ART3: variants seen among roughly 807,000 people sequenced by gnomAD.
ART3 encodes the protein ADP-ribosyltransferase 3 (inactive), also known as ecto-ADP-ribosyltransferase 3.
In ART3, 49 loss-of-function variants were observed where a neutral mutation model predicts 48.5. That is an observed-to-expected ratio of 1.01 (90% CI 0.80 to 1.28). ART3 has a LOEUF of 1.28. Ranked by LOEUF, ART3 falls within the 50% of genes most tolerant of loss-of-function variation. The pLI, the probability that ART3 is intolerant of heterozygous loss-of-function variation, is 0.00. For synonymous variants in ART3, 145 were observed against 157.2 expected, an observed-to-expected ratio of 0.92 and a Z score of 0.58; for missense variants, 438 against 454.3, an observed-to-expected ratio of 0.96 and a Z score of 0.33.
chr4:76,101,753 GA>G (rs138595401), intron 8 of ART3, among the ~76,000 whole-genome samples: 19,049 of 150,476 alleles, frequency 0.13, 1,601 homozygotes, highest in African/African-American at 0.23. Context: ...CTCCATCTTG[GA>G]AAAAAAAAAT....
intron 11 of ART3, 96 bp from the exon 12 acceptor site, chr4:76,112,290 T>C (rs866684455): frequency 7.0e-7 from 1 of 1,421,042 alleles, no homozygotes. Context: ...ACTTCAACTT[T>C]AGTGTCATTG....
chr4:76,091,470 T>C (rs1032058022), intron 3 of ART3, among the ~76,000 whole-genome samples: 66 of 152,200 alleles, frequency 4.3e-4, no homozygotes, highest in African/African-American at 1.6e-3. Flanking sequence ...AGTTTTAATT[T>C]GCATGTTCCT....
chr4:76,022,409 A>G (rs1455903342), intron 1 of ART3: 2 of 1,613,664 alleles, frequency 1.2e-6, no homozygotes, highest in South Asian at 1.1e-5. Flanking sequence ...ATGGCCTTCG[A>G]TTCTGGATTC....
At chr4:76,104,004 G>T (rs776302809) in intron 9 of ART3, 35 bp downstream of exon 9, 1 of 1,602,028 alleles carries the variant, frequency 6.2e-7, no homozygotes, top group South Asian at 1.1e-5. Flanking sequence ...CTGAGCCCAA[G>T]AATGAGTTGA....
At chr4:76,098,645 G>C (rs1560646752) in intron 4 of ART3, among the ~76,000 whole-genome samples, 5 of 152,126 alleles carry the variant, frequency 3.3e-5, no homozygotes, top group African/African-American at 9.7e-5. Flanking sequence ...TGTAATCCTA[G>C]CTACTTGGGC....
Position 76,023,430 on chromosome 4 carries a change from A to G in ART3, c.-10+12110A>G, listed in dbSNP as rs745586920. The G allele has an allele frequency of 1.9e-6, 3 of 1,613,846 alleles. No homozygotes were observed. In the Admixed American group the frequency reaches 5.0e-5, roughly 27 times the overall value. Reference sequence around the variant, plus strand: ...GCAAATCAGAATGGCAGTTTGATTCATGGTGCTGAGACTGGAGGTTCCTCT... The same window carrying G: ...GCAAATCAGAATGGCAGTTTGATTCGTGGTGCTGAGACTGGAGGTTCCTCT... On this transcript the variant is annotated intron_variant, in intron 1 of 9. Coordinates refer to the ART3 transcript ENST00000341029.
At chr4:76,041,139 T>G (rs890467025) in intron 1 of ART3, 2 of 152,218 alleles carry the variant, frequency 1.3e-5, no homozygotes, top group African/African-American at 4.8e-5. Context: ...TGTTCCAAAT[T>G]TCAAACTTTC....
intron 1 of ART3, chr4:76,037,042 G>A: frequency 5.8e-6 from 1 of 173,300 alleles, no homozygotes; most frequent in Non-Finnish European, 1.2e-5. Flanking sequence ...GAGGCCCACA[G>A]CTATAGGGTA....
upstream of ART3, among the ~76,000 whole-genome samples, chr4:76,072,362 C>T (rs1720406998): frequency 6.6e-6 from 1 of 152,176 alleles, no homozygotes; most frequent in African/African-American, 2.4e-5. Context: ...TTAACAGGCT[C>T]AAATAAAAAT....
intron 10 of ART3, chr4:76,105,530 A>G (rs1243035018): frequency 2.3e-6 from 3 of 1,289,226 alleles, no homozygotes; most frequent in Middle Eastern, 2.1e-4. Context: ...AGGAATAAAA[A>G]TGATACAACT....
chr4:76,095,251 TAA>T (rs1725737651), intron 3 of ART3, among the ~76,000 whole-genome samples: 2 of 152,314 alleles, frequency 1.3e-5, no homozygotes, highest in South Asian at 4.1e-4. Context: ...CTCATGCTTG[TAA>T]TCTCAGCACT....
At chr4:76,066,113 A>G (rs930109706) in intron 1 of ART3, among the ~76,000 whole-genome samples, 19 of 152,198 alleles carry the variant, frequency 1.2e-4, no homozygotes, top group African/African-American at 4.6e-4. Flanking sequence ...GCATTGATGT[A>G]GGGGTTTAGA....
intron 1 of ART3, among the ~76,000 whole-genome samples, chr4:76,017,386 G>T (rs1732365491): frequency 6.6e-6 from 1 of 151,946 alleles, no homozygotes; most frequent in African/African-American, 2.4e-5. Context: ...CTAGGGCCTG[G>T]AATAGGGGCC....
chr4:76,062,577 T>TTTTTC (rs1333964208), intron 1 of ART3, among the ~76,000 whole-genome samples: 1 of 150,240 alleles, frequency 6.7e-6, no homozygotes, highest in African/African-American at 2.5e-5. Context: ...TTTTTTTTTT[T>TTTTTC]TGAGACAGAG....
intron 11 of ART3, among the ~76,000 whole-genome samples, chr4:76,108,598 C>CCTCTTGGG (rs2109802569): frequency 6.7e-6 from 1 of 149,420 alleles, no homozygotes; most frequent in East Asian, 1.9e-4. Context: ...GTCCAAACTG[C>CCTCTTGGG]CTCTTGGGGC....
chr4:76,100,140 CG>C (rs1268412692), intron 5 of ART3, 150 bp from the exon 6 acceptor site: 1 of 614,206 alleles, frequency 1.6e-6, no homozygotes, highest in Non-Finnish European at 2.8e-6. Flanking sequence ...AGACTGTGAC[CG>C]ACAACTTAAG....
chr4:76,026,181 C>G (rs987368983), intron 1 of ART3, among the ~76,000 whole-genome samples: 2 of 151,926 alleles, frequency 1.3e-5, no homozygotes, highest in Non-Finnish European at 2.9e-5. Flanking sequence ...TAGAGAGTTC[C>G]TTCTGGACAT....
intron 1 of ART3, chr4:76,035,377 C>T: frequency 6.2e-7 from 1 of 1,603,318 alleles, no homozygotes; most frequent in Non-Finnish European, 8.5e-7. Flanking sequence ...AGTAATGCAT[C>T]TGATTGCAAC....
intron 1 of ART3, among the ~76,000 whole-genome samples, chr4:76,015,659 G>GCCT (rs1430035724): frequency 2.6e-5 from 4 of 152,172 alleles, no homozygotes; most frequent in African/African-American, 9.7e-5. Flanking sequence ...TTGAGACAGG[G>GCCT]CCTCACTCTG....
Sources: allele counts gnomAD v4.1 joint callset (sites outside exome capture counted in the v4.1 genomes callset), GRCh38; gene constraint gnomAD v4.1.1; transcripts MANE v1.5; gene names NCBI Gene and HGNC (gene_info 2026-07-23, HGNC 2026-07-21).